CD163L1: variants seen among roughly 807,000 people sequenced by gnomAD.
The protein encoded by CD163L1 is scavenger receptor cysteine-rich type 1 protein M160.
CD163L1 carries 124 observed loss-of-function variants against 165.4 expected under a neutral mutation model. That is an observed-to-expected ratio of 0.75 (90% confidence interval 0.65 to 0.87). The LOEUF is 0.87. Ranked by LOEUF, CD163L1 falls within the 40% of genes least tolerant of loss-of-function variation. CD163L1 has a pLI of 0.00. For synonymous variants in CD163L1, 585 were observed against 662.2 expected (o/e 0.88, Z 1.79); for missense variants, 1,525 against 1,799.9 (o/e 0.85, Z 2.76).
the CD163L1 span, among the ~76,000 whole-genome samples, chr12:7,318,776 C>A: frequency 6.6e-6 from 1 of 152,188 alleles, no homozygotes; most frequent in African/African-American, 2.4e-5. Flanking sequence ...AATTATTTTT[C>A]AACCATGGCA....
chr12:7,392,794 T>C (rs1947684976), intron 8 of CD163L1, among the ~76,000 whole-genome samples: 1 of 152,054 alleles, frequency 6.6e-6, no homozygotes, highest in South Asian at 2.1e-4. Flanking sequence ...TATAAACACC[T>C]CTACGCAAAT....
In CD163L1 at chr12:7,433,701, G is replaced by C. The variant is rs1486327649; in HGVS notation, c.125-7C>G. 6.3e-7 allele frequency: 1 copy of C among 1,595,730 alleles called. No homozygotes were observed. Among genetic ancestry groups the C allele is most frequent in the Non-Finnish European group, 8.6e-7 (1 of 1,168,326 alleles). ...AACTCCAAATCTGTTCCATCTGCAA[G>C]AAAGACAGAAACATACATTAGAGAT... On this transcript the variant is annotated splice_region_variant and splice_polypyrimidine_tract_variant and intron_variant, in intron 2 of 19. Coordinates refer to ENST00000313599, the MANE Select transcript of CD163L1 (RefSeq NM_174941.6).
At chr12:7,358,303 A>G (rs1050024425) in intron 18 of CD163L1, among the ~76,000 whole-genome samples, 2 of 152,170 alleles carry the variant, frequency 1.3e-5, no homozygotes, top group African/African-American at 4.8e-5. Context: ...TTACCTTTAG[A>G]AGCCCTACCA....
chr12:7,380,335 A>ACATATACATACATGTATGTGTGTATACG (rs1947362359), intron 8 of CD163L1, among the ~76,000 whole-genome samples: 7 of 112,484 alleles, frequency 6.2e-5, no homozygotes, highest in Middle Eastern at 9.3e-3. Context: ...GTATGTATAC[A>ACATATACATACATGTATGTGTGTATACG]CGTATACATA....
the CD163L1 span, among the ~76,000 whole-genome samples, chr12:7,329,548 C>T: frequency 6.6e-6 from 1 of 151,878 alleles, no homozygotes; most frequent in Non-Finnish European, 1.5e-5. Context: ...CAAAGCTTAA[C>T]ATTCTTTCCT....
intron 8 of CD163L1, among the ~76,000 whole-genome samples, chr12:7,381,557 T>C (rs746349778): frequency 6.6e-6 from 1 of 152,326 alleles, no homozygotes; most frequent in South Asian, 2.1e-4. Flanking sequence ...CTGTTTGTAA[T>C]TGGCAGGAGT....
intron 9 of CD163L1, among the ~76,000 whole-genome samples, chr12:7,377,483 A>G (rs746799926): frequency 2.0e-5 from 3 of 152,226 alleles, no homozygotes; most frequent in Admixed American, 6.5e-5. Context: ...CTTTTTAGTC[A>G]TCACCTTATT....
chr12:7,328,363 G>T, the CD163L1 span: 1 of 1,587,668 alleles, frequency 6.3e-7, no homozygotes, highest in Middle Eastern at 1.7e-4. Flanking sequence ...CAAGAATGGA[G>T]AGGAAGATAG....
At chr12:7,366,890 G>A (rs1947032431) in intron 18 of CD163L1, among the ~76,000 whole-genome samples, 1 of 152,104 alleles carries the variant, frequency 6.6e-6, no homozygotes. Context: ...AGAATGTAAT[G>A]AAATTGGAAA....
At chr12:7,437,271 T>TTTAAATAGTATTTAAATAGTATTTAAA (rs1565820231) in intron 2 of CD163L1, among the ~76,000 whole-genome samples, 4 of 10,694 alleles carry the variant, frequency 3.7e-4, no homozygotes, top group Non-Finnish European at 3.1e-3. Flanking sequence ...TTTAAAAGTA[T>TTTAAATAGTATTTAAATAGTATTTAAA]TACTTTTTAT....
chr12:7,419,486 T>C (rs984258576), intron 4 of CD163L1, among the ~76,000 whole-genome samples: 11 of 151,208 alleles, frequency 7.3e-5, no homozygotes, highest in African/African-American at 1.9e-4. Flanking sequence ...CTATTGAACA[T>C]AGTACTGAAA....
rs757565074 is a variant in CD163L1, at chr12:7,396,410, C to T, written c.1735G>A (p.Ala579Thr). The T allele has an allele frequency of 3.9e-5, 63 of 1,602,792 alleles. No individual in the cohort carries two copies. Among genetic ancestry groups the T allele is most frequent in the Admixed American group, 6.7e-5 (4 of 59,358 alleles). Residue 579 changes from alanine to threonine, a missense_variant, in exon 8 of 20, where the codon GCA (alanine) becomes ACA (threonine). Ala to Thr is a moderately conservative substitution (Grantham distance 58, BLOSUM62 0). Transcript: ENST00000313599. ...CCCACCAGCCTCAGGCCCCATGTTG[C>T]ATCACCTGCACCAAGAACAATGAAG... is the stretch of plus-strand genomic sequence containing the variant. ...EDVIVTCSGD[A>T]TWGLRLVGGS...
chr12:7,343,135 G>T (rs1946648495), downstream of CD163L1, among the ~76,000 whole-genome samples: 1 of 152,182 alleles, frequency 6.6e-6, no homozygotes, highest in Admixed American at 6.5e-5. Context: ...GAAGGAGACA[G>T]AAAGAAAGAG....
chr12:7,391,470 T>G (rs1947652428), intron 8 of CD163L1, among the ~76,000 whole-genome samples: 1 of 152,004 alleles, frequency 6.6e-6, no homozygotes, highest in African/African-American at 2.4e-5. Flanking sequence ...CTTAAAAACC[T>G]TGAAAAAAGG....
chr12:7,374,460 C>T lies in CD163L1; in HGVS notation c.3391G>A (p.Ala1131Thr), dbSNP rs759519202. 11 of 1,612,608 alleles carry T rather than the reference C, an allele frequency of 6.8e-6. No individual in the cohort carries two copies. The highest frequency in any genetic ancestry group is 6.7e-5 in the African/African-American group (5 of 75,052). ...GQHDCRHKED[A>T]GVICSEFTAL... ...CACAGACCTGAGCAGATGACCCCTGCGTCCTCCTTGTGCCTGCAGTCGTGC... is the reference window on the plus strand; with the variant it reads ...CACAGACCTGAGCAGATGACCCCTGTGTCCTCCTTGTGCCTGCAGTCGTGC... Residue 1131 changes from alanine to threonine, a missense_variant, in exon 13 of 20, where the codon GCA becomes ACA. Transcript: ENST00000313599. The surrounding 1 kb of genome is among the most constrained non-coding windows in gnomAD (Gnocchi z 5.4).
At position 7,404,487 on chromosome 12, in the gene CD163L1, C is replaced by T. The variant is rs185725819; in HGVS notation, c.1088-632G>A. On this transcript the variant is annotated intron_variant, in intron 5 of 19. Transcript: ENST00000313599. ...AAACTGTGTGTTTTTGCTCCATCAG[C>T]ATATACATCACGTTACTTCTTTGTG... Among the ~76,000 whole-genome samples the T allele has an allele frequency of 1.7e-3, 253 of 152,296 alleles. 1 individual carries two copies. The highest frequency in any genetic ancestry group is 5.9e-3 in the African/African-American group (244 of 41,574).
chr12:7,435,441 C>G (rs1284436339), intron 2 of CD163L1, among the ~76,000 whole-genome samples: 3 of 151,356 alleles, frequency 2.0e-5, no homozygotes, highest in Non-Finnish European at 4.4e-5. Flanking sequence ...CAGAAGAAAA[C>G]AAAAGGCATG....
chr12:7,379,577 C>A (rs1947343529), intron 8 of CD163L1, among the ~76,000 whole-genome samples: 1 of 152,174 alleles, frequency 6.6e-6, no homozygotes, highest in African/African-American at 2.4e-5. Context: ...CTTACAAAAT[C>A]TTATCAGAGA....
At chr12:7,327,476 G>A in the CD163L1 span, among the ~76,000 whole-genome samples, 4 of 152,128 alleles carry the variant, frequency 2.6e-5, no homozygotes, top group Non-Finnish European at 5.9e-5. Flanking sequence ...TACATGCCTT[G>A]AAGTATCAAG....
Sources: gnomAD v4.1 joint callset for allele counts (sites outside exome capture counted in the v4.1 genomes callset) on GRCh38, gnomAD v4.1.1 for gene constraint, Gnocchi (gnomAD v3.1) non-coding constraint, MANE v1.5 for transcripts, NCBI Gene and HGNC (gene_info 2026-07-23, HGNC 2026-07-21) for gene names.